Variants in STAG1 observed in about 807,000 individuals in gnomAD.
STAG1 encodes cohesin subunit SA-1.
A neutral mutation model predicts 170.9 loss-of-function variants in STAG1; 26 were observed. That is an observed-to-expected ratio of 0.15 (90% CI 0.11 to 0.21). STAG1 has a LOEUF of 0.21. Among genes scored for constraint, STAG1 ranks in the 10% least tolerant of loss-of-function variants. The probability of loss-of-function intolerance (pLI) is 1.00; values close to 1 mark genes in which losing one functional copy is unlikely to be tolerated. For missense variants in STAG1, 964 were observed against 1,509.5 expected, an observed-to-expected ratio of 0.64 and a Z score of 5.99; for synonymous variants, 514 against 497.7, an observed-to-expected ratio of 1.03 and a Z score of -0.44.
intron 1 of STAG1, among the ~76,000 whole-genome samples, chr3:136,661,598 G>C (rs1049403477): frequency 6.6e-6 from 1 of 152,002 alleles, no homozygotes; most frequent in East Asian, 1.9e-4. Flanking sequence ...TTATGTATAT[G>C]CAAATATTCC....
intron 1 of STAG1, among the ~76,000 whole-genome samples, 181 bp downstream of exon 1, chr3:136,752,014 C>CG (rs1365263297): frequency 1.3e-5 from 2 of 150,986 alleles, no homozygotes; most frequent in Non-Finnish European, 3.0e-5. Flanking sequence ...GCACCCCGCA[C>CG]AGGCCCGCGC....
chr3:136,664,176 G>C (rs899694201), intron 1 of STAG1, among the ~76,000 whole-genome samples: 1 of 152,136 alleles, frequency 6.6e-6, no homozygotes, highest in Non-Finnish European at 1.5e-5. Context: ...AATTTTTAAT[G>C]ATCTGGAATG....
At chr3:136,658,925 C>A (rs932144048) in intron 1 of STAG1, among the ~76,000 whole-genome samples, 1 of 152,154 alleles carries the variant, frequency 6.6e-6, no homozygotes, top group African/African-American at 2.4e-5. Flanking sequence ...TCCCTTTTCA[C>A]ACCATCCAAA....
chr3:136,417,749 A>G, intron 21 of STAG1, 136 bp downstream of exon 21: 1 of 661,668 alleles, frequency 1.5e-6, no homozygotes, highest in East Asian at 2.7e-5. Flanking sequence ...TAATTACTAC[A>G]GCAATAATTC....
rs146270857 is a variant in STAG1, at chr3:136,396,520, C to CTTTTTTT, written c.2277+2222_2277+2228dup. ...ACAGGCGTGAGCCACCGCGCCTGGC[C>CTTTTTTT]TTTTTTTTTTTTTTTTTTTTTTTTT... On this transcript the variant is annotated intron_variant, in intron 22 of 33. Transcript: ENST00000383202. Among the ~76,000 whole-genome samples the CTTTTTTT allele has an allele frequency of 1.2e-3, 51 of 43,658 alleles. 10 individuals are homozygous for CTTTTTTT. The highest frequency in any genetic ancestry group is 5.3e-3 in the East Asian group (6 of 1,136). 28.6% of individuals were successfully genotyped at this position (43,658 alleles called of 152,430 possible).
chr3:136,687,386 A>T (rs1042860327), intron 1 of STAG1, among the ~76,000 whole-genome samples: 7 of 152,050 alleles, frequency 4.6e-5, no homozygotes, highest in African/African-American at 9.7e-5. Flanking sequence ...AATCTGTTAA[A>T]TTTTTTTTCT....
intron 29 of STAG1, among the ~76,000 whole-genome samples, chr3:136,347,081 TAAA>T (rs57595953): frequency 8.5e-6 from 1 of 118,208 alleles, no homozygotes. Flanking sequence ...CCTGTCTCAT[TAAA>T]AAAAAAAAAA....
chr3:136,679,791 A>T (rs1178051864), intron 1 of STAG1, among the ~76,000 whole-genome samples: 1 of 150,854 alleles, frequency 6.6e-6, no homozygotes, highest in Non-Finnish European at 1.5e-5. Flanking sequence ...AATTCCAGCT[A>T]CTCAGGTGGC....
At chr3:136,612,490 G>GA (rs1456789999) in intron 3 of STAG1, among the ~76,000 whole-genome samples, 1 of 151,506 alleles carries the variant, frequency 6.6e-6, no homozygotes, top group Admixed American at 6.6e-5. Context: ...AAAGAAAAAA[G>GA]AAAAAATATC....
intron 6 of STAG1, among the ~76,000 whole-genome samples, chr3:136,524,310 C>T (rs1934873764): frequency 6.6e-6 from 1 of 152,312 alleles, no homozygotes; most frequent in South Asian, 2.1e-4. Context: ...AGGTCCTTCA[C>T]ATCCCTTGTA....
chr3:136,545,978 G>A (rs564500981), intron 5 of STAG1, among the ~76,000 whole-genome samples: 3 of 152,100 alleles, frequency 2.0e-5, no homozygotes, highest in Non-Finnish European at 4.4e-5. Flanking sequence ...TGTGAGTACC[G>A]GTTAACTAAT....
intron 1 of STAG1, among the ~76,000 whole-genome samples, chr3:136,729,550 C>A (rs1220721256): frequency 1.4e-5 from 2 of 147,118 alleles, no homozygotes; most frequent in African/African-American, 2.5e-5. Flanking sequence ...TTTGAAATAT[C>A]TACAACATCT....
At position 136,369,175 on chromosome 3, in the gene STAG1, T is replaced by C. The variant is rs780893233; in HGVS notation, c.2478A>G (p.Gln826=). 2.5e-5 allele frequency: 40 copies of C among 1,603,004 alleles called. No individual in the cohort carries two copies. Among genetic ancestry groups the C allele is most frequent in the Admixed American group, 1.1e-4 (6 of 56,898 alleles). The change falls in exon 24 of 34, where the codon CAA becomes CAG. Residue 826 remains glutamine, a synonymous_variant. Transcript: ENST00000383202. ...PLVFNPDTGL[Q]SELLSFVMDH... is the part of the protein sequence containing the mutation. ...CCATCACAAAACTGAGGAGTTCAGATTGGAGTCCAGTATCTGGATTGAACA... is the reference window on the plus strand; with the variant it reads ...CCATCACAAAACTGAGGAGTTCAGACTGGAGTCCAGTATCTGGATTGAACA...
intron 3 of STAG1, among the ~76,000 whole-genome samples, chr3:136,612,041 G>T (rs577217041): frequency 1.3e-5 from 2 of 151,846 alleles, no homozygotes; most frequent in Admixed American, 1.3e-4. Flanking sequence ...TAGAGACTGG[G>T]TTTCACTGTG....
At chr3:136,537,124 T>C (rs773843782) in intron 6 of STAG1, among the ~76,000 whole-genome samples, 2 of 152,234 alleles carry the variant, frequency 1.3e-5, no homozygotes, top group African/African-American at 2.4e-5. Context: ...TTTCTAATTC[T>C]ATTTTCTTTA....
At chr3:136,341,241 T>C (rs896625381) in intron 31 of STAG1, among the ~76,000 whole-genome samples, 200 bp downstream of exon 31, 1 of 152,228 alleles carries the variant, frequency 6.6e-6, no homozygotes, top group Non-Finnish European at 1.5e-5. Flanking sequence ...TCCAAGGCCA[T>C]GCAGCTGCCA....
At position 136,420,068 on chromosome 3, in the gene STAG1, G is replaced by A. The variant is rs191835837; in HGVS notation, c.2108+1025C>T. On this transcript the variant is annotated intron_variant, in intron 20 of 33. Transcript: ENST00000383202. The stretch of plus-strand genomic sequence containing the variant: ...GTTCAAGACCAGCCTGGCCAACATG[G>A]TGAAACCATCTCTATTAAAAATATA... Among the ~76,000 whole-genome samples the A allele has an allele frequency of 1.1e-4, 16 of 151,886 alleles. No individual in the cohort carries two copies. In the East Asian group the frequency reaches 2.9e-3, roughly 28 times the overall value.
rs74485641 is a variant in STAG1 at position 136,377,885 on chromosome 3, G to A, written c.2278-133C>T. 1.3e-5 allele frequency: 9 copies of A among 695,216 alleles called. No individual in the cohort carries two copies. The East Asian group carries it at 2.4e-4, about 19-fold the overall frequency. The allele number at this position is 695,216 out of a possible 1,614,324, so 43.1% of individuals were successfully genotyped here. On this transcript the variant is annotated intron_variant, in intron 22 of 33. Transcript: ENST00000383202. ...TTCATATAACCAAATTTAATGTTGGGAACCATTTAATGTAGTCATTTCTTA... is the reference window on the plus strand; with the variant it reads ...TTCATATAACCAAATTTAATGTTGGAAACCATTTAATGTAGTCATTTCTTA...
At chr3:136,434,441 G>C (rs1452560475) in intron 15 of STAG1, among the ~76,000 whole-genome samples, 1 of 152,116 alleles carries the variant, frequency 6.6e-6, no homozygotes, top group Non-Finnish European at 1.5e-5. Context: ...CTACTAATTA[G>C]TTAAGTGGAA....
Sources: allele counts gnomAD v4.1 joint callset (sites outside exome capture counted in the v4.1 genomes callset), GRCh38; gene constraint gnomAD v4.1.1; transcripts MANE v1.5; gene names NCBI Gene and HGNC (gene_info 2026-07-23, HGNC 2026-07-21).